SNX8: variants seen among roughly 807,000 people sequenced by gnomAD.
SNX8 encodes the protein sorting nexin-8.
In SNX8, 25 loss-of-function variants were observed where a neutral mutation model predicts 51.6. That is an observed-to-expected ratio of 0.48 (90% CI 0.35 to 0.68). The LOEUF is 0.68. Among genes scored for constraint, SNX8 ranks in the 30% least tolerant of loss-of-function variants. The pLI is 0.00. For synonymous variants in SNX8, 324 were observed against 277.0 expected, an observed-to-expected ratio of 1.17 and a Z score of -1.68; for missense variants, 695 against 624.0, an observed-to-expected ratio of 1.11 and a Z score of -1.21.
chr7:2,354,215 T>G (rs1237142461), intron 1 of SNX8: 2 of 152,246 alleles, frequency 1.3e-5, no homozygotes, highest in Admixed American at 6.5e-5. Flanking sequence ...TAAAGAAACT[T>G]CCATACATTT....
intron 1 of SNX8, among the ~76,000 whole-genome samples, chr7:2,343,641 C>T (rs1229104287): frequency 6.6e-6 from 1 of 151,960 alleles, no homozygotes; most frequent in Non-Finnish European, 1.5e-5. Context: ...TGCCACTGCC[C>T]TCCAGCCTAG....
chr7:2,286,988 A>C (rs1439844321), intron 1 of SNX8, among the ~76,000 whole-genome samples: 1 of 151,198 alleles, frequency 6.6e-6, no homozygotes, highest in Non-Finnish European at 1.5e-5. Flanking sequence ...AACATACAAA[A>C]ATTAGCCAGG....
At chr7:2,344,087 C>T (rs1232314767) in intron 1 of SNX8, among the ~76,000 whole-genome samples, 6 of 151,306 alleles carry the variant, frequency 4.0e-5, no homozygotes, top group Non-Finnish European at 5.9e-5. Flanking sequence ...GCCTGTAGTC[C>T]CAGCTATTTG....
At chr7:2,294,003 C>A (rs1265769696) in intron 1 of SNX8, among the ~76,000 whole-genome samples, 1 of 150,082 alleles carries the variant, frequency 6.7e-6, no homozygotes, top group Non-Finnish European at 1.5e-5. Context: ...GTGGCTCATG[C>A]CTGTAATCCC....
intron 1 of SNX8, among the ~76,000 whole-genome samples, chr7:2,351,768 T>A (rs541833112): frequency 6.9e-6 from 1 of 145,060 alleles, no homozygotes; most frequent in East Asian, 2.1e-4. Context: ...GAGGTGGAGC[T>A]TGCAGTGATC....
At chr7:2,300,143 G>A (rs1187982846) in intron 1 of SNX8, among the ~76,000 whole-genome samples, 2 of 152,150 alleles carry the variant, frequency 1.3e-5, no homozygotes, top group African/African-American at 2.4e-5. Context: ...CACTGAACAC[G>A]AAGACCTAGT....
chr7:2,280,337 T>C (rs1398237937), intron 1 of SNX8, among the ~76,000 whole-genome samples: 1 of 152,166 alleles, frequency 6.6e-6, no homozygotes, highest in Non-Finnish European at 1.5e-5. Context: ...TTTTGTTTTT[T>C]ACATGTTAGC....
At chr7:2,338,146 C>T (rs1450872586) in intron 1 of SNX8, among the ~76,000 whole-genome samples, 1 of 151,770 alleles carries the variant, frequency 6.6e-6, no homozygotes, top group African/African-American at 2.4e-5. Context: ...GGCAATATGG[C>T]GAAACCCCAT....
intron 5 of SNX8, among the ~76,000 whole-genome samples, chr7:2,266,812 C>T (rs1341027808): frequency 3.3e-5 from 5 of 152,070 alleles, no homozygotes; most frequent in East Asian, 3.8e-4. Context: ...GGAGCCACCG[C>T]GCCAGCCTGA....
chr7:2,325,839 A>T (rs567793455), intron 1 of SNX8, among the ~76,000 whole-genome samples: 44 of 152,176 alleles, frequency 2.9e-4, no homozygotes, highest in East Asian at 5.8e-4. Flanking sequence ...CTCAAAAAAA[A>T]TTTTTTTAAA....
chr7:2,320,583 T>C (rs1796816086), intron 1 of SNX8, among the ~76,000 whole-genome samples: 1 of 151,464 alleles, frequency 6.6e-6, no homozygotes, highest in Admixed American at 6.6e-5. Context: ...AAAATTAGCC[T>C]GGTGGTGGTG....
At chr7:2,351,192 C>G (rs1335143016) in intron 1 of SNX8, among the ~76,000 whole-genome samples, 3 of 152,118 alleles carry the variant, frequency 2.0e-5, no homozygotes, top group African/African-American at 7.2e-5. Context: ...GGAGCCTCAT[C>G]CGGCCATCTC....
In SNX8 at chr7:2,320,212, G is replaced by A. The variant is rs542664765; in HGVS notation, c.-66+34010C>T. On this transcript the variant is annotated intron_variant, in intron 1 of 5. Transcript: ENST00000435336. ...CTCTACTAAAAATACAAAATTAGCC[G>A]GGCATGGTGTCATATGCCTGTAATC... Among the ~76,000 whole-genome samples, 26 of 151,884 alleles carry A rather than the reference G, an allele frequency of 1.7e-4. No individual in the cohort carries two copies. In the East Asian group the frequency reaches 1.7e-3, roughly 10 times the overall value.
chr7:2,257,697 A>T, intron 8 of SNX8, 38 bp downstream of exon 8: 1 of 1,605,776 alleles, frequency 6.2e-7, no homozygotes, highest in East Asian at 2.2e-5. Flanking sequence ...ATCATTCCTG[A>T]AAGTTCTGCC....
At chr7:2,347,095 TAGG>T (rs1779045993) in intron 1 of SNX8, among the ~76,000 whole-genome samples, 1 of 151,774 alleles carries the variant, frequency 6.6e-6, no homozygotes, top group South Asian at 2.1e-4. Context: ...GAGCCTGAGG[TAGG>T]AGAATTACTT....
intron 1 of SNX8, among the ~76,000 whole-genome samples, chr7:2,304,405 G>A (rs183192973): frequency 0.011 from 1,632 of 151,740 alleles, 15 homozygotes; most frequent in African/African-American, 0.03. Context: ...TTAGCCAGGC[G>A]TGGTGGCGGG....
intron 1 of SNX8, among the ~76,000 whole-genome samples, chr7:2,306,202 C>T (rs192379661): frequency 8.5e-5 from 13 of 152,088 alleles, no homozygotes; most frequent in East Asian, 3.9e-4. Context: ...AGTGCAGTGG[C>T]GCGATCTCAG....
chr7:2,274,239 G>A (rs550877095), intron 3 of SNX8, among the ~76,000 whole-genome samples: 112 of 152,374 alleles, frequency 7.4e-4, no homozygotes, highest in African/African-American at 2.5e-3. Flanking sequence ...CAGACCCTGG[G>A]CTGCTTGCTC....
At position 2,275,496 on chromosome 7, in the gene SNX8, T is replaced by C. The variant is rs1584689526; in HGVS notation, c.301-267A>G. ...GGGTGAATCACCTGAGGTCAGGAGT[T>C]AAAGAGACCAGCCTGGCCAACATGG... On this transcript the variant is annotated intron_variant, in intron 2 of 10. Transcript: ENST00000222990. 1.3e-5 allele frequency among the ~76,000 whole-genome samples: 2 copies of C among 151,316 alleles called. 1 individual carries two copies. The highest frequency in any genetic ancestry group is 7.0e-3 in the Middle Eastern group (2 of 284).
Sources: gnomAD v4.1 joint callset for allele counts (sites outside exome capture counted in the v4.1 genomes callset) on GRCh38, gnomAD v4.1.1 for gene constraint, MANE v1.5 for transcripts, NCBI Gene and HGNC (gene_info 2026-07-23, HGNC 2026-07-21) for gene names.